Variants in DNAH9 observed in about 807,000 individuals in gnomAD.
DNAH9 encodes the protein DNAH9 variant protein.
DNAH9 carries 345 observed loss-of-function variants against 471.6 expected under a neutral mutation model. That is an observed-to-expected ratio of 0.73 (90% confidence interval 0.67 to 0.80). The LOEUF (loss-of-function observed/expected upper bound fraction) is 0.80, where lower values mean the gene tolerates loss of function less well. Among genes scored for constraint, DNAH9 ranks in the 30% least tolerant of loss-of-function variants. DNAH9 has a pLI of 0.00. For missense variants in DNAH9, 5,407 were observed against 5,609.2 expected (o/e 0.96, Z 1.15); for synonymous variants, 2,093 against 2,123.6 (o/e 0.99, Z 0.40).
chr17:11,858,393 A>G (rs1485456866), intron 50 of DNAH9, among the ~76,000 whole-genome samples: 2 of 152,158 alleles, frequency 1.3e-5, no homozygotes, highest in African/African-American at 4.8e-5. Flanking sequence ...TTAATTGCCA[A>G]TATTTAAAAT....
chr17:11,939,961 TAG>T (rs1333341797), intron 66 of DNAH9, among the ~76,000 whole-genome samples: 1 of 152,010 alleles, frequency 6.6e-6, no homozygotes, highest in Non-Finnish European at 1.5e-5. Flanking sequence ...GATAGAGGAA[TAG>T]AGTTATGTAC....
At chr17:11,684,018 A>C (rs2150745426) in intron 19 of DNAH9, among the ~76,000 whole-genome samples, 1 of 152,304 alleles carries the variant, frequency 6.6e-6, no homozygotes, top group African/African-American at 2.4e-5. Flanking sequence ...TGTGAGTTTA[A>C]ATCTGGTTTC....
At position 11,680,888 on chromosome 17, in the gene DNAH9, A is replaced by G. The variant is rs763000519; in HGVS notation, c.3742A>G (p.Arg1248Gly). The change falls in exon 19 of 69, where the codon AGG becomes GGG. Residue 1248 changes from arginine to glycine, a missense_variant and splice_region_variant. By Grantham distance (125) the Arg-to-Gly change is moderately radical. This residue lies in a region of DNAH9 where 4,636 missense variants were observed against 4,900.3 expected (regional missense o/e 0.95). Transcript: ENST00000262442. ...WEQFHKEAPF[R>G]FDSIHPHQML... is the part of the protein sequence containing the mutation. ...GCAATTCCACAAAGAAGCCCCGTTCAGGTATGGGCCGAACACTGCTGCCTC... is the reference window on the plus strand; with the variant it reads ...GCAATTCCACAAAGAAGCCCCGTTCGGGTATGGGCCGAACACTGCTGCCTC... 7 of 1,608,568 alleles carry G rather than the reference A, an allele frequency of 4.4e-6. No individual in the cohort carries two copies. In the South Asian group the frequency reaches 5.6e-5, roughly 13 times the overall value.
chr17:11,795,837 A>G (rs973679927), intron 42 of DNAH9, among the ~76,000 whole-genome samples: 1 of 152,166 alleles, frequency 6.6e-6, no homozygotes. Flanking sequence ...ACCCAGATAT[A>G]TGAATATTGC....
intron 25 of DNAH9, among the ~76,000 whole-genome samples, 179 bp downstream of exon 25, chr17:11,704,621 T>C (rs894533000): frequency 6.6e-6 from 1 of 151,462 alleles, no homozygotes; most frequent in Non-Finnish European, 1.5e-5. Context: ...TTCGCTCTTA[T>C]TGCCCAGGCT....
chr17:11,851,829 A>G (rs984319420), intron 49 of DNAH9, among the ~76,000 whole-genome samples: 3 of 139,972 alleles, frequency 2.1e-5, no homozygotes, highest in Non-Finnish European at 4.6e-5. Flanking sequence ...ATTAATTTAT[A>G]GATATATATG....
chr17:11,742,101 C>G, intron 29 of DNAH9, 74 bp from the exon 30 acceptor site: 1 of 1,412,998 alleles, frequency 7.1e-7, no homozygotes. Context: ...TCGGCCAGTG[C>G]TTATTTTCTT....
At chr17:11,921,243 AT>A (rs113084157) in intron 61 of DNAH9, among the ~76,000 whole-genome samples, 9,583 of 100,764 alleles carry the variant, frequency 0.095, 470 homozygotes, top group East Asian at 0.3. Context: ...AAAAAAGGTG[AT>A]TTTTTTTTTT....
In DNAH9 at chr17:11,598,753, C is replaced by T. The variant is rs1428195998; in HGVS notation, c.255C>T (p.Pro85=). ...GGCCCAGGGGCCTGGCAATACGCCC[C>T]GGGCTGGAGGTGGGACCTGAGTCGG... The part of the protein sequence containing the change: ...RPGPRGLAIR[P]GLEVGPESGL... Residue 85 remains proline, a synonymous_variant, in exon 1 of 69, where the codon CCC becomes CCT. Transcript: ENST00000262442. 12 of 1,427,642 alleles carry T rather than the reference C, an allele frequency of 8.4e-6. No individual in the cohort carries two copies. Among genetic ancestry groups the T allele is most frequent in the Non-Finnish European group, 1.0e-5 (11 of 1,097,128 alleles). The allele number at this position is 1,427,642 out of a possible 1,614,324, so 88.4% of individuals were successfully genotyped here.
At chr17:11,672,865 C>T (rs1286909164) in intron 17 of DNAH9, among the ~76,000 whole-genome samples, 3 of 152,172 alleles carry the variant, frequency 2.0e-5, no homozygotes, top group Non-Finnish European at 4.4e-5. Context: ...CCCTGGCCTC[C>T]ACCTGTTATC....
rs1242665055 is a variant in DNAH9, at chr17:11,669,152, A to T, written c.2820A>T (p.Gly940=). The T allele has an allele frequency of 6.2e-7, 1 of 1,613,544 alleles. No individual in the cohort carries two copies. The highest frequency in any genetic ancestry group is 2.2e-5 in the East Asian group (1 of 44,874). The change falls in exon 16 of 69, where the codon GGA becomes GGT. Residue 940 remains glycine (G), a synonymous_variant. Transcript: ENST00000262442. The part of the protein sequence containing the change: ...ELVFYPSLES[G]VKGGFCDIVE... ...TTTTCTATCCGTCTCTGGAGTCTGG[A>T]GTGAAGGGGGGTTTCTGTGACATTG...
intron 24 of DNAH9, among the ~76,000 whole-genome samples, chr17:11,701,664 T>C (rs539938232): frequency 4.0e-5 from 6 of 151,392 alleles, no homozygotes; most frequent in Admixed American, 1.3e-4. Context: ...GTTTTGTTGT[T>C]GTTGTTTTGT....
At chr17:11,913,417 C>G (rs1348327265) in intron 61 of DNAH9, among the ~76,000 whole-genome samples, 2 of 152,110 alleles carry the variant, frequency 1.3e-5, no homozygotes, top group African/African-American at 4.8e-5. Flanking sequence ...ATAAACACCT[C>G]CTTAATTTTG....
rs570161705 is a variant in DNAH9, at chr17:11,950,881, A to T, written c.12843+8396A>T. 2.2e-4 allele frequency among the ~76,000 whole-genome samples: 34 copies of T among 152,274 alleles called. No individual in the cohort carries two copies. The South Asian group carries it at 6.8e-3, about 31-fold the overall frequency. ...CATCTTATCTGCCTCGCTCTGGCCC[A>T]GTCCTCAAAGCACATCCCAAACGAC... On this transcript the variant is annotated intron_variant, in intron 67 of 68. Coordinates refer to ENST00000262442, the MANE Select transcript of DNAH9 (RefSeq NM_001372.4).
Position 11,680,871 on chromosome 17 carries a change from A to C in DNAH9, c.3725A>C (p.His1242Pro). The C allele has an allele frequency of 6.2e-7, 1 of 1,612,178 alleles. No individual in the cohort carries two copies. Among genetic ancestry groups the C allele is most frequent in the Non-Finnish European group, 8.5e-7 (1 of 1,179,264 alleles). ...AEQQQFWEQF[H>P]KEAPFRFDSI... ...CAGCAGCAATTCTGGGAGCAATTCC[A>C]CAAAGAAGCCCCGTTCAGGTATGGG... is the stretch of plus-strand genomic sequence containing the variant. The change falls in exon 19 of 69, where the codon CAC becomes CCC. Residue 1242 changes from histidine (H) to proline (P), a missense_variant. Around this residue, in one of 3 missense-constraint regions of DNAH9, gnomAD observed 4,636 missense variants for 4,900.3 expected, o/e 0.95. Coordinates refer to ENST00000262442, the MANE Select transcript of DNAH9 (RefSeq NM_001372.4).
At chr17:11,910,105 A>C (rs891725558) in intron 61 of DNAH9, among the ~76,000 whole-genome samples, 6 of 152,074 alleles carry the variant, frequency 3.9e-5, no homozygotes, top group African/African-American at 1.4e-4. Context: ...AATACAAAAA[A>C]TTAGCTGGGC....
intron 48 of DNAH9, among the ~76,000 whole-genome samples, chr17:11,823,653 C>T (rs899825942): frequency 9.2e-5 from 14 of 152,292 alleles, no homozygotes; most frequent in South Asian, 2.1e-4. Context: ...CCCTGTCGGC[C>T]GGGCACGGTG....
chr17:11,654,397 A>G (rs888095546), intron 14 of DNAH9, among the ~76,000 whole-genome samples: 6 of 148,938 alleles, frequency 4.0e-5, no homozygotes, highest in African/African-American at 1.5e-4. Context: ...TCGATCTATC[A>G]TCCATCTATC....
At chr17:11,780,709 A>T (rs2150893916) in intron 38 of DNAH9, among the ~76,000 whole-genome samples, 1 of 152,298 alleles carries the variant, frequency 6.6e-6, no homozygotes, top group African/African-American at 2.4e-5. Flanking sequence ...ATGGGATAAT[A>T]CTAATCTCAC....
Sources: gnomAD v4.1 joint callset for allele counts (sites outside exome capture counted in the v4.1 genomes callset) on GRCh38, gnomAD v4.1.1 for gene constraint, gnomAD v4.1.1 regional missense constraint, MANE v1.5 for transcripts, NCBI Gene and HGNC (gene_info 2026-07-23, HGNC 2026-07-21) for gene names.